The following MAGI1 variants were observed in gnomAD, a reference collection of about 807,000 sequenced individuals.
The protein encoded by MAGI1 is membrane-associated guanylate kinase, WW and PDZ domain-containing protein 1.
A neutral mutation model predicts 139.9 loss-of-function variants in MAGI1; 58 were observed. The observed-to-expected ratio is 0.41, with a 90% CI of 0.34 to 0.52. The LOEUF (loss-of-function observed/expected upper bound fraction) is 0.52, where lower values mean the gene tolerates loss of function less well. Ranked by LOEUF, MAGI1 falls within the 20% of genes least tolerant of loss-of-function variation. The probability of loss-of-function intolerance (pLI) is 0.12; values close to 1 mark genes in which losing one functional copy is unlikely to be tolerated. For missense variants in MAGI1, 1,874 were observed against 1,901.6 expected, an observed-to-expected ratio of 0.99 and a Z score of 0.27; for synonymous variants, 812 against 737.9, an observed-to-expected ratio of 1.10 and a Z score of -1.63.
intron 1 of MAGI1, among the ~76,000 whole-genome samples, chr3:65,662,995 G>A (rs2107402108): frequency 6.6e-6 from 1 of 152,232 alleles, no homozygotes; most frequent in East Asian, 1.9e-4. Flanking sequence ...CCAGAGACGG[G>A]TGCTGGAGGA....
At chr3:65,404,381 A>G (rs1945162750) in intron 12 of MAGI1, among the ~76,000 whole-genome samples, 1 of 152,222 alleles carries the variant, frequency 6.6e-6, no homozygotes. Context: ...CTCAACTGAC[A>G]CAACAAACCG....
chr3:65,769,121 T>G (rs2037742252), intron 1 of MAGI1, among the ~76,000 whole-genome samples: 1 of 152,246 alleles, frequency 6.6e-6, no homozygotes, highest in Non-Finnish European at 1.5e-5. Flanking sequence ...GCTTTCTTAC[T>G]GAAGAAAATA....
intron 1 of MAGI1, among the ~76,000 whole-genome samples, chr3:65,672,726 C>A (rs2086939690): frequency 6.6e-6 from 1 of 152,130 alleles, no homozygotes; most frequent in African/African-American, 2.4e-5. Context: ...CCAATAAATC[C>A]ATTTACTAGA....
At chr3:65,668,927 CTTTA>C (rs1484614165) in intron 1 of MAGI1, among the ~76,000 whole-genome samples, 3 of 151,588 alleles carry the variant, frequency 2.0e-5, no homozygotes, top group Non-Finnish European at 4.4e-5. Context: ...TTTACATTAT[CTTTA>C]TTTATTTGTT....
chr3:65,728,795 G>A (rs2033879935), intron 1 of MAGI1, among the ~76,000 whole-genome samples: 1 of 152,020 alleles, frequency 6.6e-6, no homozygotes, highest in Non-Finnish European at 1.5e-5. Context: ...AAGGAACTTG[G>A]GGATAAAACT....
chr3:65,846,983 A>AAAC (rs1553716718), intron 1 of MAGI1, among the ~76,000 whole-genome samples: 3 of 147,484 alleles, frequency 2.0e-5, no homozygotes, highest in Middle Eastern at 3.6e-3. Context: ...TTACAAAAAA[A>AAAC]AAAAAAAAAA....
intron 1 of MAGI1, among the ~76,000 whole-genome samples, chr3:65,735,908 T>C (rs183263614): frequency 1.3e-5 from 2 of 152,302 alleles, no homozygotes; most frequent in East Asian, 3.9e-4. Context: ...GTGAGGACCA[T>C]TCTTACCTCC....
chr3:65,455,154 T>C (rs1949308467), intron 5 of MAGI1, among the ~76,000 whole-genome samples: 1 of 152,108 alleles, frequency 6.6e-6, no homozygotes, highest in African/African-American at 2.4e-5. Flanking sequence ...CACATTCAGT[T>C]AAAAGAAAGA....
At chr3:65,483,066 G>C (rs1272611730) in intron 3 of MAGI1, among the ~76,000 whole-genome samples, 5 of 152,254 alleles carry the variant, frequency 3.3e-5, no homozygotes, top group Non-Finnish European at 5.9e-5. Context: ...ACAGGGGCAT[G>C]AGCAGAGGCA....
intron 2 of MAGI1, among the ~76,000 whole-genome samples, chr3:65,558,617 C>A (rs1291484999): frequency 6.6e-6 from 1 of 152,150 alleles, no homozygotes; most frequent in African/African-American, 2.4e-5. Flanking sequence ...TTCCACGAAA[C>A]CCATGAGTTT....
At chr3:65,528,915 C>T (rs2078509690) in intron 2 of MAGI1, among the ~76,000 whole-genome samples, 1 of 152,034 alleles carries the variant, frequency 6.6e-6, no homozygotes, top group Non-Finnish European at 1.5e-5. Context: ...AGCATTGTGG[C>T]ACACATCTCT....
Position 65,430,107 on chromosome 3 carries a change from A to C in MAGI1, c.1580T>G (p.Val527Gly), listed in dbSNP as rs1425277661. 6.2e-7 allele frequency: 1 copy of C among 1,613,634 alleles called. No homozygotes were observed. Among genetic ancestry groups the C allele is most frequent in the South Asian group, 1.1e-5 (1 of 91,076 alleles). Residue 527 changes from valine (V) to glycine (G), a missense_variant, in exon 12 of 23, where the codon GTT becomes GGT. Physicochemically the swap from Val to Gly is moderately radical, Grantham distance 109. This residue lies in a region of MAGI1 where 86 missense variants were observed against 130.0 expected (regional missense o/e 0.66). Transcript: ENST00000402939. ...AACTTGAGCATGTGTGTGTCCCAAA[A>C]CACAGGTGTCATTCACACTTACAAT... The part of the protein sequence containing the change: ...DVIVSVNDTC[V>G]LGHTHAQVVK...
chr3:65,444,150 T>A (rs1432298502), intron 7 of MAGI1, among the ~76,000 whole-genome samples: 4 of 152,116 alleles, frequency 2.6e-5, no homozygotes, highest in Admixed American at 6.6e-5. Flanking sequence ...AGAAAAAACA[T>A]TTAGCAAGTT....
At chr3:65,442,081 C>CTTTTT (rs5849668) in intron 8 of MAGI1, among the ~76,000 whole-genome samples, 1 of 144,696 alleles carries the variant, frequency 6.9e-6, no homozygotes. Context: ...TAATACAAAG[C>CTTTTT]TTTTTTTTTT....
chr3:65,540,503 C>G (rs1413551062), intron 2 of MAGI1, among the ~76,000 whole-genome samples: 1 of 152,116 alleles, frequency 6.6e-6, no homozygotes, highest in Admixed American at 6.5e-5. Flanking sequence ...AATGAATATA[C>G]ATTTTAAAAA....
intron 5 of MAGI1, among the ~76,000 whole-genome samples, chr3:65,457,895 ATTCT>A (rs1378385066): frequency 6.6e-6 from 1 of 152,038 alleles, no homozygotes; most frequent in Non-Finnish European, 1.5e-5. Context: ...AATCTTATTC[ATTCT>A]TTCTATTTTT....
In MAGI1 at chr3:65,944,710, G is replaced by A. The variant is rs190422149; in HGVS notation, c.313+93286C>T. On this transcript the variant is annotated intron_variant, in intron 1 of 22. Coordinates refer to ENST00000402939, the MANE Select transcript of MAGI1 (RefSeq NM_001033057.2). ...TCCTGTGTGCAAGAAACTTCTAGAA[G>A]TATGACCAGCTCACCAAGGAAATAG... Among the ~76,000 whole-genome samples, 45 of 152,222 alleles carry A rather than the reference G, an allele frequency of 3.0e-4. 1 individual carries two copies. The highest frequency in any genetic ancestry group is 1.0e-3 in the African/African-American group (42 of 41,536).
intron 1 of MAGI1, among the ~76,000 whole-genome samples, chr3:65,707,449 G>T (rs7628145): frequency 6.6e-6 from 1 of 152,116 alleles, no homozygotes; most frequent in Non-Finnish European, 1.5e-5. Context: ...ACTTTGGGAG[G>T]CCGAGCCAGG....
chr3:66,019,965 G>T (rs557471866), intron 1 of MAGI1, among the ~76,000 whole-genome samples: 2 of 152,244 alleles, frequency 1.3e-5, no homozygotes, highest in African/African-American at 4.8e-5. Flanking sequence ...AAAAGGCCCA[G>T]ATAAGGACTG....
Sources: allele counts gnomAD v4.1 joint callset (sites outside exome capture counted in the v4.1 genomes callset), GRCh38; gene constraint gnomAD v4.1.1; regional missense constraint gnomAD v4.1.1; transcripts MANE v1.5; gene names NCBI Gene and HGNC (gene_info 2026-07-23, HGNC 2026-07-21).